MAP2K6: variants seen among roughly 807,000 people sequenced by gnomAD.
MAP2K6 encodes mitogen-activated protein kinase kinase 6.
Under a neutral mutation model 53.7 loss-of-function variants are expected in MAP2K6, and 16 were observed. The ratio of observed to expected loss-of-function variants is 0.30; its 90% CI spans 0.20 to 0.45. The LOEUF is 0.45. Among genes scored for constraint, MAP2K6 ranks in the 20% least tolerant of loss-of-function variants. The probability of loss-of-function intolerance (pLI) is 1.00; values close to 1 mark genes in which losing one functional copy is unlikely to be tolerated. For missense variants in MAP2K6, 204 were observed against 411.9 expected, an observed-to-expected ratio of 0.50 and a Z score of 4.37; for synonymous variants, 132 against 143.1, an observed-to-expected ratio of 0.92 and a Z score of 0.55.
At chr17:69,466,880 C>T (rs896297328) in intron 1 of MAP2K6, among the ~76,000 whole-genome samples, 1 of 152,134 alleles carries the variant, frequency 6.6e-6, no homozygotes, top group Admixed American at 6.5e-5. Flanking sequence ...GGTGGAGGCT[C>T]CCCATTGAAA....
intron 1 of MAP2K6, chr17:69,505,573 C>A: frequency 2.1e-6 from 1 of 475,498 alleles, no homozygotes; most frequent in Non-Finnish European, 3.8e-6. Flanking sequence ...AAACCTCATT[C>A]ATGACCACAG....
At chr17:69,541,640 G>A in intron 11 of MAP2K6, 36 bp from the exon 12 acceptor site, 1 of 1,467,790 alleles carries the variant, frequency 6.8e-7, no homozygotes, top group Non-Finnish European at 9.5e-7. Context: ...TTGTCAGTAA[G>A]ACATTAATAC....
intron 2 of MAP2K6, among the ~76,000 whole-genome samples, chr17:69,515,946 T>C (rs1421421185): frequency 6.6e-6 from 1 of 152,208 alleles, no homozygotes; most frequent in Non-Finnish European, 1.5e-5. Context: ...ATTACATATA[T>C]TGGTGCTCTT....
intron 2 of MAP2K6, among the ~76,000 whole-genome samples, chr17:69,515,453 G>A (rs533306858): frequency 1.9e-4 from 29 of 152,242 alleles, no homozygotes; most frequent in African/African-American, 6.3e-4. Context: ...CACCGTGCCC[G>A]GCCAGCATTT....
At chr17:69,538,575 T>G (rs1221607924) in intron 11 of MAP2K6, among the ~76,000 whole-genome samples, 1 of 152,244 alleles carries the variant, frequency 6.6e-6, no homozygotes, top group Non-Finnish European at 1.5e-5. Flanking sequence ...GGCAATTGTT[T>G]AGATTTTAGG....
chr17:69,486,863 C>G (rs1332783235), intron 1 of MAP2K6, among the ~76,000 whole-genome samples: 1 of 152,196 alleles, frequency 6.6e-6, no homozygotes, highest in Non-Finnish European at 1.5e-5. Flanking sequence ...GTACCCTTCT[C>G]AAACACCAGA....
intron 1 of MAP2K6, among the ~76,000 whole-genome samples, chr17:69,504,200 A>G (rs887802812): frequency 1.3e-5 from 2 of 152,050 alleles, no homozygotes; most frequent in Non-Finnish European, 2.9e-5. Context: ...ATCCAGGGCC[A>G]TATCCAGGGC....
intron 8 of MAP2K6, among the ~76,000 whole-genome samples, chr17:69,524,348 C>G (rs1216473590): frequency 6.6e-6 from 1 of 151,502 alleles, no homozygotes; most frequent in East Asian, 1.9e-4. Context: ...CCAAACAAGG[C>G]AGTTAGATTA....
intron 1 of MAP2K6, among the ~76,000 whole-genome samples, chr17:69,466,766 A>G (rs978111149): frequency 6.6e-6 from 1 of 152,084 alleles, no homozygotes; most frequent in African/African-American, 2.4e-5. Flanking sequence ...ATCTTTCCTC[A>G]TTTTTCCTCA....
At chr17:69,538,028 A>G (rs1349498560) in intron 11 of MAP2K6, among the ~76,000 whole-genome samples, 1 of 151,828 alleles carries the variant, frequency 6.6e-6, no homozygotes, top group Non-Finnish European at 1.5e-5. Flanking sequence ...TTATTTATTT[A>G]TTTATATTTT....
At chr17:69,503,816 G>T (rs67260667) in intron 1 of MAP2K6, among the ~76,000 whole-genome samples, 7,112 of 152,130 alleles carry the variant, frequency 0.047, 465 homozygotes, top group East Asian at 0.15. Context: ...TATCTGCTTT[G>T]ATTCTCATAT....
intron 1 of MAP2K6, among the ~76,000 whole-genome samples, chr17:69,449,601 T>A (rs1405539781): frequency 7.0e-6 from 1 of 143,186 alleles, no homozygotes; most frequent in Non-Finnish European, 1.5e-5. Context: ...TTTTCTTTCT[T>A]TCTCTCTCTT....
chr17:69,525,505 A>G (rs918892401), intron 9 of MAP2K6, among the ~76,000 whole-genome samples: 11 of 152,312 alleles, frequency 7.2e-5, no homozygotes, highest in Non-Finnish European at 1.5e-4. Flanking sequence ...AGACTGAGTA[A>G]TTTAAAAGAA....
chr17:69,446,422 C>A (rs1490775585), intron 1 of MAP2K6, among the ~76,000 whole-genome samples: 1 of 152,216 alleles, frequency 6.6e-6, no homozygotes, highest in Non-Finnish European at 1.5e-5. Context: ...GTTACTCAGG[C>A]TAAATCAGAA....
chr17:69,429,815 G>T lies in MAP2K6; in HGVS notation c.16+14815G>T, dbSNP rs556630084. On this transcript the variant is annotated intron_variant, in intron 1 of 11. Coordinates refer to ENST00000590474, the MANE Select transcript of MAP2K6 (RefSeq NM_002758.4). ...TCATCCATCAGATTATCCTGCTGGG[G>T]TGTTGATGGCAGCAGGCTTCAAGTG... Among the ~76,000 whole-genome samples, 14 of 152,286 alleles carry T rather than the reference G, an allele frequency of 9.2e-5. No individual in the cohort carries two copies. The South Asian group carries it at 2.3e-3, about 25-fold the overall frequency.
intron 2 of MAP2K6, among the ~76,000 whole-genome samples, chr17:69,507,219 C>A (rs999646974): frequency 2.0e-5 from 3 of 152,146 alleles, no homozygotes; most frequent in Admixed American, 6.5e-5. Context: ...ATGCCAAACT[C>A]CCCCGCCATC....
At chr17:69,449,529 T>C (rs968663706) in intron 1 of MAP2K6, among the ~76,000 whole-genome samples, 2 of 101,320 alleles carry the variant, frequency 2.0e-5, no homozygotes, top group African/African-American at 4.0e-5. Flanking sequence ...CTTTCTTTCT[T>C]TGTCTTTCTT....
chr17:69,483,628 G>T (rs1598283769), intron 1 of MAP2K6, among the ~76,000 whole-genome samples: 1 of 152,070 alleles, frequency 6.6e-6, no homozygotes, highest in East Asian at 1.9e-4. Context: ...TAATTTAAAG[G>T]CCTCAGAATA....
Position 69,451,727 on chromosome 17 carries a change from G to A in MAP2K6, c.16+36727G>A, listed in dbSNP as rs192843274. 7.8e-4 allele frequency among the ~76,000 whole-genome samples: 119 copies of A among 152,254 alleles called. 1 individual carries two copies. The highest frequency in any genetic ancestry group is 7.3e-3 in the Admixed American group (111 of 15,294). On this transcript the variant is annotated intron_variant, in intron 1 of 11. Transcript: ENST00000590474. ...GTGGCCCTATCCAGAGAGGCAGAGAGGTCAGGCCTTTATACCCCTGTGCTG... is the reference window on the plus strand; with the variant it reads ...GTGGCCCTATCCAGAGAGGCAGAGAAGTCAGGCCTTTATACCCCTGTGCTG...
Sources: allele counts gnomAD v4.1 joint callset (sites outside exome capture counted in the v4.1 genomes callset), GRCh38; gene constraint gnomAD v4.1.1; transcripts MANE v1.5; gene names NCBI Gene and HGNC (gene_info 2026-07-23, HGNC 2026-07-21).